The following PCOLCE2 variants were observed in gnomAD, a reference collection of about 807,000 sequenced individuals.
PCOLCE2 encodes the protein procollagen C-proteinase enhancer 2.
Under a neutral mutation model 47.0 loss-of-function variants are expected in PCOLCE2, and 42 were observed. The observed-to-expected ratio is 0.89, with a 90% CI of 0.70 to 1.16. The LOEUF (loss-of-function observed/expected upper bound fraction) is 1.16. PCOLCE2 is among the 50% of genes most tolerant of loss of function. PCOLCE2 has a pLI of 0.00. For synonymous variants in PCOLCE2, 169 were observed against 191.7 expected, an observed-to-expected ratio of 0.88 and a Z score of 0.98; for missense variants, 500 against 526.1, an observed-to-expected ratio of 0.95 and a Z score of 0.49.
chr3:142,845,403 T>C (rs1181477137), intron 3 of PCOLCE2, among the ~76,000 whole-genome samples: 1 of 152,208 alleles, frequency 6.6e-6, no homozygotes, highest in Non-Finnish European at 1.5e-5. Flanking sequence ...TTTTTTGTTT[T>C]GAACAGATAC....
intron 5 of PCOLCE2, among the ~76,000 whole-genome samples, chr3:142,835,913 G>A (rs1340419119): frequency 6.6e-6 from 1 of 152,106 alleles, no homozygotes; most frequent in African/African-American, 2.4e-5. Context: ...CAGAGTGCTG[G>A]GATTATAGGC....
intron 2 of PCOLCE2, among the ~76,000 whole-genome samples, chr3:142,883,728 G>A (rs1158161217): frequency 2.0e-5 from 3 of 151,340 alleles, no homozygotes; most frequent in Non-Finnish European, 2.9e-5. Context: ...TATTTGTGTC[G>A]AATCATCAAT....
At chr3:142,845,975 CA>C (rs555777606) in intron 3 of PCOLCE2, among the ~76,000 whole-genome samples, 2 of 151,654 alleles carry the variant, frequency 1.3e-5, no homozygotes, top group Non-Finnish European at 2.9e-5. Flanking sequence ...AACTCAGTCT[CA>C]AAAAAAATAC....
At chr3:142,826,277 G>A in intron 6 of PCOLCE2, among the ~76,000 whole-genome samples, 1 of 152,102 alleles carries the variant, frequency 6.6e-6, no homozygotes, top group Non-Finnish European at 1.5e-5. Context: ...AAAGTTCTGG[G>A]ATTACAGGTG....
intron 2 of PCOLCE2, among the ~76,000 whole-genome samples, chr3:142,874,457 A>G (rs1196017006): frequency 6.6e-6 from 1 of 152,124 alleles, no homozygotes; most frequent in Non-Finnish European, 1.5e-5. Flanking sequence ...ACCTTCCACC[A>G]TGATTGTAAG....
Position 142,842,022 on chromosome 3 carries a change from C to T in PCOLCE2, c.573+902G>A, listed in dbSNP as rs927969676. Among the ~76,000 whole-genome samples the T allele has an allele frequency of 2.0e-5, 3 of 152,104 alleles. No individual in the cohort carries two copies. The highest frequency in any genetic ancestry group is 6.6e-5 in the Admixed American group (1 of 15,266). On this transcript the variant is annotated intron_variant, in intron 4 of 8. Transcript: ENST00000295992. This position sits in a 1 kb window ranked among gnomAD's most constrained non-coding sequence, Gnocchi z 4.1. Reference sequence around the variant, plus strand: ...ACAAATTAATAAATACTGGAAAAGTCGACCTTCTCTGTTGATTATTTCAGA... The same window carrying T: ...ACAAATTAATAAATACTGGAAAAGTTGACCTTCTCTGTTGATTATTTCAGA...
intron 5 of PCOLCE2, among the ~76,000 whole-genome samples, chr3:142,838,333 G>A (rs1008978913): frequency 7.9e-5 from 12 of 152,110 alleles, no homozygotes; most frequent in African/African-American, 2.7e-4. Flanking sequence ...CGTGGTGGGA[G>A]ATGACTGGAT....
intron 3 of PCOLCE2, among the ~76,000 whole-genome samples, chr3:142,847,742 G>A (rs1255173798): frequency 1.3e-5 from 2 of 150,670 alleles, no homozygotes; most frequent in African/African-American, 4.9e-5. Context: ...TCACCATTTT[G>A]CCCAGGCTGG....
At chr3:142,853,667 C>T (rs1384757976) in intron 2 of PCOLCE2, among the ~76,000 whole-genome samples, 1 of 152,200 alleles carries the variant, frequency 6.6e-6, no homozygotes, top group Non-Finnish European at 1.5e-5. Context: ...AAAGGCCACT[C>T]TCTTTTCTAA....
intron 5 of PCOLCE2, among the ~76,000 whole-genome samples, chr3:142,836,574 A>G (rs1258051257): frequency 6.6e-6 from 1 of 152,196 alleles, no homozygotes; most frequent in Non-Finnish European, 1.5e-5. Context: ...AATGTTGTTT[A>G]GTGTTTATTC....
At chr3:142,835,168 GAA>G (rs2108190403) in intron 5 of PCOLCE2, among the ~76,000 whole-genome samples, 1 of 152,122 alleles carries the variant, frequency 6.6e-6, no homozygotes, top group African/African-American at 2.4e-5. Flanking sequence ...GTTAATTATT[GAA>G]AGAGATGTGT....
chr3:142,865,323 T>C (rs939138006), intron 2 of PCOLCE2, among the ~76,000 whole-genome samples: 3 of 152,208 alleles, frequency 2.0e-5, no homozygotes, highest in African/African-American at 7.2e-5. Context: ...TTGCCTGTTT[T>C]TTTTTTAAAT....
intron 5 of PCOLCE2, among the ~76,000 whole-genome samples, chr3:142,835,053 G>C (rs1225013416): frequency 6.6e-6 from 1 of 151,162 alleles, no homozygotes; most frequent in East Asian, 1.9e-4. Context: ...CCAGTTGCTG[G>C]ATGTAGTGTT....
chr3:142,844,726 T>G (rs189517459), intron 3 of PCOLCE2, among the ~76,000 whole-genome samples: 1 of 152,350 alleles, frequency 6.6e-6, no homozygotes, highest in Admixed American at 6.5e-5. Context: ...TTGCCAATTT[T>G]TATACTTACT....
chr3:142,887,979 C>G (rs202220115), intron 1 of PCOLCE2, among the ~76,000 whole-genome samples: 2 of 152,146 alleles, frequency 1.3e-5, no homozygotes, highest in East Asian at 3.8e-4. Flanking sequence ...AGTCCAGCGC[C>G]ATCTGTCTCC....
At position 142,888,845 on chromosome 3, in the gene PCOLCE2, T is replaced by C; in HGVS notation, c.52A>G (p.Thr18Ala). ...GGGGACTGCTGCCGCGAGAGCTGGG[T>C]GGCGGCAGCCAGCAGCAGGCAGAGT... ...APLCLLLAAATQLSRQQSPER... is the reference protein window; with the variant it reads ...APLCLLLAAAAQLSRQQSPER... Residue 18 changes from threonine (T) to alanine (A), a missense_variant, in exon 1 of 9, where the codon ACC (threonine) becomes GCC (alanine). Thr to Ala is a moderately conservative substitution (Grantham distance 58, BLOSUM62 0). Transcript: ENST00000295992. The C allele has an allele frequency of 6.5e-7, 1 of 1,546,482 alleles. No homozygotes were observed. The highest frequency in any genetic ancestry group is 8.7e-7 in the Non-Finnish European group (1 of 1,149,212).
intron 5 of PCOLCE2, among the ~76,000 whole-genome samples, chr3:142,830,715 A>G (rs923477566): frequency 6.6e-6 from 1 of 152,238 alleles, no homozygotes; most frequent in East Asian, 1.9e-4. Flanking sequence ...TACACAAGAT[A>G]GTTTCATTTA....
At chr3:142,852,004 TCAG>T (rs1347838390) in intron 2 of PCOLCE2, among the ~76,000 whole-genome samples, 1 of 152,194 alleles carries the variant, frequency 6.6e-6, no homozygotes. Flanking sequence ...ACAAATATGA[TCAG>T]CAATAGAAAC....
intron 2 of PCOLCE2, among the ~76,000 whole-genome samples, chr3:142,862,616 T>C (rs1244052953): frequency 6.6e-6 from 1 of 152,218 alleles, no homozygotes; most frequent in African/African-American, 2.4e-5. Context: ...TAGGACATAA[T>C]AAGAATGATA....
Sources: allele counts gnomAD v4.1 joint callset (sites outside exome capture counted in the v4.1 genomes callset), GRCh38; gene constraint gnomAD v4.1.1; non-coding constraint Gnocchi (gnomAD v3.1); transcripts MANE v1.5; gene names NCBI Gene and HGNC (gene_info 2026-07-23, HGNC 2026-07-21).